MIB1: variants seen among roughly 807,000 people sequenced by gnomAD.
The protein encoded by MIB1 is E3 ubiquitin-protein ligase MIB1.
Under a neutral mutation model 124.5 loss-of-function variants are expected in MIB1, and 278 were observed. The observed-to-expected ratio is 2.23, with a 90% CI of 2.02 to 2.47. The LOEUF is 2.47. MIB1 is among the 30% of genes most tolerant of loss of function. MIB1 has a pLI of 0.00. For synonymous variants in MIB1, 446 were observed against 429.4 expected (o/e 1.04, Z -0.48); for missense variants, 957 against 1,254.4 (o/e 0.76, Z 3.58).
At position 21,858,579 on chromosome 18, in the gene MIB1, A is replaced by G; in HGVS notation, c.2813A>G (p.Lys938Arg). 6.3e-7 allele frequency: 1 copy of G among 1,592,952 alleles called. No individual in the cohort carries two copies. Among genetic ancestry groups the G allele is most frequent in the Non-Finnish European group, 8.6e-7 (1 of 1,162,084 alleles). ...AATATTCCAGTATTACAAAAGGACA[A>G]GGATAATACCAATGTCAATGCAGAT... ...SGNIPVLQKD[K>R]DNTNVNADVQ... Residue 938 changes from lysine to arginine, a missense_variant, in exon 20 of 21, where the codon AAG (lysine) becomes AGG (arginine). Physicochemically the swap from Lys to Arg is conservative, Grantham distance 26 (BLOSUM62 2). Transcript: ENST00000261537.
intron 2 of MIB1, 88 bp from the exon 3 acceptor site, chr18:21,768,535 A>G (rs923355736): frequency 4.0e-6 from 4 of 989,542 alleles, no homozygotes; most frequent in African/African-American, 1.7e-5. Flanking sequence ...TTTACTTTCA[A>G]AATAACATTT....
At chr18:21,809,054 A>G (rs745866645) in intron 10 of MIB1, among the ~76,000 whole-genome samples, 47 of 152,220 alleles carry the variant, frequency 3.1e-4, no homozygotes, top group African/African-American at 1.1e-3. Flanking sequence ...AGAAGACTCA[A>G]ATTACCAAAA....
chr18:21,769,694 A>G (rs1026794589), intron 3 of MIB1, among the ~76,000 whole-genome samples: 18 of 152,060 alleles, frequency 1.2e-4, no homozygotes, highest in Non-Finnish European at 2.6e-4. Flanking sequence ...TTGACTGTGT[A>G]TTTTTCCTCA....
At chr18:21,758,994 T>C (rs1037043281) in intron 1 of MIB1, among the ~76,000 whole-genome samples, 13 of 152,068 alleles carry the variant, frequency 8.5e-5, no homozygotes, top group Non-Finnish European at 1.8e-4. Context: ...AAATGAGTAA[T>C]ATAACCAATA....
intron 1 of MIB1, among the ~76,000 whole-genome samples, chr18:21,763,025 T>C (rs1227998965): frequency 6.6e-6 from 1 of 151,946 alleles, no homozygotes; most frequent in Non-Finnish European, 1.5e-5. Context: ...TATATTTTGC[T>C]TTAAAGTTTT....
chr18:21,765,514 A>G (rs1180580113), intron 1 of MIB1, among the ~76,000 whole-genome samples: 3 of 152,184 alleles, frequency 2.0e-5, no homozygotes, highest in Non-Finnish European at 4.4e-5. Flanking sequence ...TAGTTTGTGG[A>G]TGAGAGCGAG....
At position 21,856,560 on chromosome 18, in the gene MIB1, G is replaced by A. The variant is rs117311886; in HGVS notation, c.2666-570G>A. Among the ~76,000 whole-genome samples, 435 of 152,222 alleles carry A rather than the reference G, an allele frequency of 2.9e-3. 12 individuals are homozygous for A. The East Asian group carries it at 0.058, about 20-fold the overall frequency. On this transcript the variant is annotated intron_variant, in intron 18 of 20. Coordinates refer to ENST00000261537, the MANE Select transcript of MIB1 (RefSeq NM_020774.4). Reference sequence around the variant, plus strand: ...ATGTTTTTAGAAAATTATCATGTCCGGGGGTGTTGGGCAGGGGGAGAGAGA... The same window carrying A: ...ATGTTTTTAGAAAATTATCATGTCCAGGGGTGTTGGGCAGGGGGAGAGAGA...
chr18:21,740,220 G>GT (rs2040829215), upstream of MIB1, among the ~76,000 whole-genome samples: 2 of 152,170 alleles, frequency 1.3e-5, no homozygotes, highest in South Asian at 4.1e-4. Flanking sequence ...TCCTTTGAAG[G>GT]TTGTATTTTG....
chr18:21,855,928 T>G (rs548200275), intron 18 of MIB1, among the ~76,000 whole-genome samples: 1 of 152,270 alleles, frequency 6.6e-6, no homozygotes, highest in South Asian at 2.1e-4. Flanking sequence ...AGATGTAAGG[T>G]AGTATTAACA....
At position 21,858,528 on chromosome 18, in the gene MIB1, T is replaced by C; in HGVS notation, c.2780-18T>C. The C allele has an allele frequency of 8.7e-7, 1 of 1,147,038 alleles. No homozygotes were observed. The highest frequency in any genetic ancestry group is 1.5e-5 in the African/African-American group (1 of 65,302). 71.1% of individuals were successfully genotyped at this position (1,147,038 alleles called of 1,614,324 possible). A position where few individuals can be genotyped will look rare whatever the true frequency, so the allele number is the denominator to read the frequency against. ...CAAAGCAATAATAACTGAAAATCTT[T>C]TTAAATCTATATTATAGCAAGTGGG... On this transcript the variant is annotated intron_variant, in intron 19 of 20. Transcript: ENST00000261537.
At chr18:21,814,236 G>A (rs1164012860) in intron 10 of MIB1, among the ~76,000 whole-genome samples, 1 of 152,024 alleles carries the variant, frequency 6.6e-6, no homozygotes, top group African/African-American at 2.4e-5. Flanking sequence ...TTTATGCTTC[G>A]TTTTTATCTT....
At chr18:21,757,173 G>A (rs1467722130) in intron 1 of MIB1, among the ~76,000 whole-genome samples, 1 of 151,682 alleles carries the variant, frequency 6.6e-6, no homozygotes, top group Non-Finnish European at 1.5e-5. Flanking sequence ...AGTCTTTTAG[G>A]CCATGCGGTG....
intron 1 of MIB1, among the ~76,000 whole-genome samples, chr18:21,752,321 T>G (rs1319230993): frequency 6.6e-6 from 1 of 152,202 alleles, no homozygotes; most frequent in Non-Finnish European, 1.5e-5. Flanking sequence ...GTTACATGCT[T>G]TATAAAGTTT....
In MIB1 at chr18:21,798,217, A is replaced by G. The variant is rs138693285; in HGVS notation, c.1226A>G (p.Asn409Ser). 186 of 1,612,992 alleles carry G rather than the reference A, an allele frequency of 1.2e-4. No individual in the cohort carries two copies. The highest frequency in any genetic ancestry group is 2.9e-4 in the East Asian group (13 of 44,854). The change falls in exon 8 of 21, where the codon AAT becomes AGT. Residue 409 changes from asparagine (N) to serine (S), a missense_variant. Transcript: ENST00000261537. ...GCATCTGCAGGATCAGCCATTAGCA[A>G]TGCATCTGGTGGTATGTTTTATATT... Reference protein sequence around the residue: ...KVASAGSAISNASGERLSQLL... With the variant: ...KVASAGSAISSASGERLSQLL...
intron 6 of MIB1, among the ~76,000 whole-genome samples, chr18:21,781,380 T>C (rs1470368967): frequency 2.1e-5 from 1 of 47,470 alleles, no homozygotes; most frequent in East Asian, 9.3e-4. Flanking sequence ...TATATATATA[T>C]ATATATATAT....
chr18:21,802,168 C>T (rs779221026), intron 9 of MIB1, among the ~76,000 whole-genome samples: 4 of 151,956 alleles, frequency 2.6e-5, no homozygotes, highest in Non-Finnish European at 5.9e-5. Flanking sequence ...CTTACATGTA[C>T]GCTGTTTTTT....
In MIB1 at chr18:21,868,053, G is replaced by A. The variant is rs997121838; in HGVS notation, c.*3387G>A. 4 of 151,958 alleles carry A rather than the reference G, an allele frequency of 2.6e-5. No individual in the cohort carries two copies. Among genetic ancestry groups the A allele is most frequent in the East Asian group, 1.9e-4 (1 of 5,194 alleles). The allele number at this position is 151,958 out of a possible 1,614,324, so 9.4% of individuals were successfully genotyped here. Reference sequence around the variant, plus strand: ...GGAAAAGCACTTATCCTATCAGAATGTCTACCATGTTTTATAGTAATAATT... The same window carrying A: ...GGAAAAGCACTTATCCTATCAGAATATCTACCATGTTTTATAGTAATAATT... On this transcript the variant is annotated 3_prime_UTR_variant, in exon 21 of 21. Coordinates refer to ENST00000261537, the MANE Select transcript of MIB1 (RefSeq NM_020774.4).
At chr18:21,714,525 G>A (rs1246603420) in intron 1 of MIB1, among the ~76,000 whole-genome samples, 1 of 152,112 alleles carries the variant, frequency 6.6e-6, no homozygotes, top group East Asian at 1.9e-4. Context: ...TCCTTCTCCA[G>A]GGTCCTTGGG....
intron 12 of MIB1, among the ~76,000 whole-genome samples, chr18:21,833,415 A>G (rs1453575046): frequency 6.6e-6 from 1 of 152,204 alleles, no homozygotes; most frequent in African/African-American, 2.4e-5. Context: ...TGCCCAAAAG[A>G]ACTACTGGCA....
Sources: allele counts gnomAD v4.1 joint callset (sites outside exome capture counted in the v4.1 genomes callset), GRCh38; gene constraint gnomAD v4.1.1; transcripts MANE v1.5; gene names NCBI Gene and HGNC (gene_info 2026-07-23, HGNC 2026-07-21).